Variants in DCSTAMP observed in about 807,000 individuals in gnomAD.
The protein encoded by DCSTAMP is dendritic cell-specific transmembrane protein.
A neutral mutation model predicts 33.8 loss-of-function variants in DCSTAMP; 25 were observed. The observed-to-expected ratio is 0.74, with a 90% confidence interval of 0.54 to 1.03. DCSTAMP has a LOEUF of 1.03. Among genes scored for constraint, DCSTAMP ranks in the 50% least tolerant of loss-of-function variants. DCSTAMP has a pLI of 0.00. For missense variants in DCSTAMP, 531 were observed against 556.8 expected, an observed-to-expected ratio of 0.95 and a Z score of 0.47; for synonymous variants, 245 against 216.7, an observed-to-expected ratio of 1.13 and a Z score of -1.15.
chr8:104,340,039 C>T (rs997934031), intron 1 of DCSTAMP, among the ~76,000 whole-genome samples, 177 bp downstream of exon 1: 2 of 152,158 alleles, frequency 1.3e-5, no homozygotes, highest in African/African-American at 4.8e-5. Context: ...ATCCTCTGCT[C>T]AGGGAAAACT....
At chr8:104,352,864 T>A (rs1172775727) in intron 2 of DCSTAMP, among the ~76,000 whole-genome samples, 1 of 152,150 alleles carries the variant, frequency 6.6e-6, no homozygotes, top group Admixed American at 6.5e-5. Flanking sequence ...TCTGGGAGAC[T>A]GTGCTGCCAG....
At chr8:104,341,564 A>G (rs565992695) in intron 1 of DCSTAMP, among the ~76,000 whole-genome samples, 11 of 152,292 alleles carry the variant, frequency 7.2e-5, no homozygotes, top group East Asian at 5.8e-4. Flanking sequence ...TAGCATGGGC[A>G]GGGTTGATGT....
rs1425093656 is a variant in DCSTAMP at position 104,354,920 on chromosome 8, T to G, written c.1073T>G (p.Ile358Arg). 1 of 1,608,946 alleles carries G rather than the reference T, an allele frequency of 6.2e-7. No homozygotes were observed. The highest frequency in any genetic ancestry group is 1.3e-5 in the African/African-American group (1 of 74,780). The stretch of plus-strand genomic sequence containing the variant: ...ATTATCCATGATTCTTCCTTTAATA[T>G]ATCTGTGTTTGAACCCAACTGTATC... ...QDIIHDSSFN[I>R]SVFEPNCIPK... is the part of the protein sequence containing the mutation. Residue 358 changes from isoleucine (I) to arginine (R), a missense_variant, in exon 3 of 4, where the codon ATA becomes AGA. Coordinates refer to ENST00000297581, the MANE Select transcript of DCSTAMP (RefSeq NM_030788.4).
rs1378347172 is a variant in DCSTAMP, at chr8:104,356,182, G to A, written c.1397G>A (p.Ser466Asn). 3.7e-6 allele frequency: 6 copies of A among 1,612,570 alleles called. No individual in the cohort carries two copies. Among genetic ancestry groups the A allele is most frequent in the Non-Finnish European group, 4.2e-6 (5 of 1,179,332 alleles). The change falls in exon 4 of 4, where the codon AGT (serine) becomes AAT (asparagine). Residue 466 changes from serine (S) to asparagine (N), a missense_variant. Coordinates refer to ENST00000297581, the MANE Select transcript of DCSTAMP (RefSeq NM_030788.4). ...MIRKKQMDMA[S>N]ADKS ...AGGAAGAAGCAAATGGACATGGCAAGTGCAGACAAGTCATGAGAGACCCCG... is the reference window on the plus strand; with the variant it reads ...AGGAAGAAGCAAATGGACATGGCAAATGCAGACAAGTCATGAGAGACCCCG...
chr8:104,352,826 A>G (rs934852182), intron 2 of DCSTAMP, among the ~76,000 whole-genome samples: 2 of 152,080 alleles, frequency 1.3e-5, no homozygotes, highest in Non-Finnish European at 2.9e-5. Context: ...CTGCTGTGGG[A>G]GCGCTTCTCA....
At position 104,349,483 on chromosome 8, in the gene DCSTAMP, G is replaced by A. The variant is rs1270604865; in HGVS notation, c.931G>A (p.Ala311Thr). ...CCATCTCTGCATCTGGGTGCTGTTT[G>A]CAGCTGTAGATTATCTGCTGTATCG... Reference protein sequence around the residue: ...LIHLCIWVLFAAVDYLLYRLI... With the variant: ...LIHLCIWVLFTAVDYLLYRLI... The change falls in exon 2 of 4, where the codon GCA (alanine) becomes ACA (threonine). Residue 311 changes from alanine (A) to threonine (T), a missense_variant. Ala to Thr is a moderately conservative substitution (Grantham distance 58, BLOSUM62 0). Coordinates refer to ENST00000297581, the MANE Select transcript of DCSTAMP (RefSeq NM_030788.4). 1.9e-6 allele frequency: 3 copies of A among 1,614,172 alleles called. No individual in the cohort carries two copies. The highest frequency in any genetic ancestry group is 2.5e-6 in the Non-Finnish European group (3 of 1,180,032).
chr8:104,345,612 AT>A lies in DCSTAMP; in HGVS notation c.-12-2928del, dbSNP rs1810287372. 2.6e-5 allele frequency among the ~76,000 whole-genome samples: 4 copies of A among 152,254 alleles called. No individual in the cohort carries two copies. The South Asian group carries it at 8.3e-4, about 31-fold the overall frequency. On this transcript the variant is annotated intron_variant, in intron 1 of 3. Coordinates refer to ENST00000297581, the MANE Select transcript of DCSTAMP (RefSeq NM_030788.4). ...CTAGATTTTATTGCAGAACGTTAAA[AT>A]GTTAATGTGTCCATAAATCTTTTTC... is the stretch of plus-strand genomic sequence containing the variant.
Position 104,349,081 on chromosome 8 carries a change from A to G in DCSTAMP, c.529A>G (p.Ser177Gly). The G allele has an allele frequency of 6.2e-7, 1 of 1,614,106 alleles. No homozygotes were observed. The highest frequency in any genetic ancestry group is 1.1e-5 in the South Asian group (1 of 91,084). The change falls in exon 2 of 4, where the codon AGT becomes GGT. Residue 177 changes from serine (S) to glycine (G), a missense_variant. Ser to Gly is a moderately conservative substitution (Grantham distance 56). Transcript: ENST00000297581. The part of the protein sequence containing the change: ...WNQTLAVSLF[S>G]PSHVLEAQLN... Reference sequence around the variant, plus strand: ...CCAGACCCTGGCAGTCTCTCTTTTCAGTCCCAGCCATGTCCTGGAGGCACA... The same window carrying G: ...CCAGACCCTGGCAGTCTCTCTTTTCGGTCCCAGCCATGTCCTGGAGGCACA...
At chr8:104,347,336 A>G (rs72667457) in intron 1 of DCSTAMP, among the ~76,000 whole-genome samples, 17,487 of 152,226 alleles carry the variant, frequency 0.11, 1,065 homozygotes, top group Admixed American at 0.16. Context: ...GTGGTTACAG[A>G]GCAGAGACAC....
chr8:104,354,758 T>C, intron 2 of DCSTAMP, 119 bp from the exon 3 acceptor site: 1 of 651,774 alleles, frequency 1.5e-6, no homozygotes, highest in Non-Finnish European at 2.6e-6. Context: ...ATAGTTCCTT[T>C]GGCCAAAGCT....
chr8:104,353,148 A>G (rs1159911801), intron 2 of DCSTAMP, among the ~76,000 whole-genome samples: 1 of 152,250 alleles, frequency 6.6e-6, no homozygotes, highest in East Asian at 1.9e-4. Flanking sequence ...TTGGGCACCT[A>G]CTATGTTCAC....
Position 104,349,524 on chromosome 8 carries a change from GAGCA to G in DCSTAMP, c.977_980del (p.Lys326SerfsTer12). 6.2e-7 allele frequency: 1 copy of G among 1,613,990 alleles called. No homozygotes were observed. Among genetic ancestry groups the G allele is most frequent in the Non-Finnish European group, 8.5e-7 (1 of 1,179,984 alleles). ...TGCTGTATCGGCTCATTTTCTCAGT[GAGCA>G]AGCAGTTTCAAAGCTTGCCAGGGTT... On this transcript the variant is annotated frameshift_variant, in exon 2 of 4. Coordinates refer to ENST00000297581, the MANE Select transcript of DCSTAMP (RefSeq NM_030788.4). LOFTEE classifies it high-confidence loss of function.
intron 1 of DCSTAMP, among the ~76,000 whole-genome samples, chr8:104,348,289 G>A (rs978047601): frequency 1.3e-5 from 2 of 152,174 alleles, no homozygotes; most frequent in Non-Finnish European, 2.9e-5. Context: ...GATTGTCACT[G>A]TCATTTCTGC....
At chr8:104,350,524 C>T (rs892995866) in intron 2 of DCSTAMP, among the ~76,000 whole-genome samples, 1 of 152,184 alleles carries the variant, frequency 6.6e-6, no homozygotes. Flanking sequence ...GCTGATAGCA[C>T]CCACTTTTAA....
chr8:104,347,895 C>A (rs529577264), intron 1 of DCSTAMP, among the ~76,000 whole-genome samples: 2 of 152,058 alleles, frequency 1.3e-5, no homozygotes, highest in Non-Finnish European at 2.9e-5. Context: ...TCTGGGTGGG[C>A]CCAGCGTATT....
At chr8:104,348,465 C>T in intron 1 of DCSTAMP, 76 bp from the exon 2 acceptor site, 1 of 1,444,080 alleles carries the variant, frequency 6.9e-7, no homozygotes, top group South Asian at 1.4e-5. Context: ...TGTAGTCAGT[C>T]TACCACCATG....
chr8:104,342,147 A>C (rs561828513), intron 1 of DCSTAMP, among the ~76,000 whole-genome samples: 103 of 152,338 alleles, frequency 6.8e-4, no homozygotes, highest in Non-Finnish European at 1.3e-3. Flanking sequence ...ATAGAGGAAA[A>C]CCTTTATTTG....
In DCSTAMP at chr8:104,354,871, T is replaced by C. The variant is rs762065185; in HGVS notation, c.1030-6T>C. 2.6e-6 allele frequency: 4 copies of C among 1,561,180 alleles called. No homozygotes were observed. In the South Asian group the frequency reaches 3.5e-5, roughly 14 times the overall value. On this transcript the variant is annotated splice_region_variant and splice_polypyrimidine_tract_variant and intron_variant, in intron 2 of 3. Coordinates refer to ENST00000297581, the MANE Select transcript of DCSTAMP (RefSeq NM_030788.4). ...GCATCATGATTATTTTATTCTTTCA[T>C]TTTAGAAACAAGGAACTCAAGATAT...
chr8:104,350,177 G>A (rs1390142866), intron 2 of DCSTAMP, among the ~76,000 whole-genome samples: 1 of 152,140 alleles, frequency 6.6e-6, no homozygotes, highest in African/African-American at 2.4e-5. Context: ...AACAGTTCCA[G>A]GCACTAAGAT....
Sources: gnomAD v4.1 joint callset for allele counts (sites outside exome capture counted in the v4.1 genomes callset) on GRCh38, gnomAD v4.1.1 for gene constraint, MANE v1.5 for transcripts, NCBI Gene and HGNC (gene_info 2026-07-23, HGNC 2026-07-21) for gene names.